The following OPRM1 variants were observed in gnomAD, a reference collection of about 807,000 sequenced individuals.
OPRM1 encodes opioid receptor mu 1.
A neutral mutation model predicts 31.8 loss-of-function variants in OPRM1; 27 were observed. That is an observed-to-expected ratio of 0.85 (90% CI 0.63 to 1.17). OPRM1 has a LOEUF of 1.17. Among genes scored for constraint, OPRM1 ranks in the 50% most tolerant of loss-of-function variants. The pLI is 0.00. For missense variants in OPRM1, 536 were observed against 511.1 expected (o/e 1.05, Z -0.47); for synonymous variants, 196 against 189.9 (o/e 1.03, Z -0.26).
chr6:154,090,741 CA>C (rs1482994215), intron 2 of OPRM1, among the ~76,000 whole-genome samples: 4 of 152,040 alleles, frequency 2.6e-5, no homozygotes, highest in Non-Finnish European at 5.9e-5. Flanking sequence ...AAGTGGACTG[CA>C]AAATGGGAAA....
At chr6:154,053,809 A>T (rs1467794860) in intron 1 of OPRM1, among the ~76,000 whole-genome samples, 1 of 152,228 alleles carries the variant, frequency 6.6e-6, no homozygotes, top group Non-Finnish European at 1.5e-5. Flanking sequence ...AGAAGAGTTA[A>T]GTTAAAGGAG....
chr6:154,152,390 AAG>A (rs1193986554), intron 3 of OPRM1, among the ~76,000 whole-genome samples: 9 of 126,264 alleles, frequency 7.1e-5, no homozygotes, highest in Middle Eastern at 4.3e-3. Context: ...GAAAGAAAGA[AAG>A]AGAAATAGTG....
In OPRM1 at chr6:154,020,663, A is replaced by G. The variant is rs115973472; in HGVS notation, c.-1+9645A>G. On this transcript the variant is annotated intron_variant, in intron 1 of 5. Coordinates refer to the OPRM1 transcript ENST00000434900. ...AACAGCTCTACCATCACGCATTCCC[A>G]CCAGCAATGAATGAGAGTTCTTACC... is the stretch of plus-strand genomic sequence containing the variant. Among the ~76,000 whole-genome samples the G allele has an allele frequency of 4.0e-3, 616 of 152,284 alleles. 4 individuals carry two copies. Among genetic ancestry groups the G allele is most frequent in the African/African-American group, 0.014 (586 of 41,558 alleles).
chr6:154,092,008 A>AT, intron 3 of OPRM1: 1 of 865,992 alleles, frequency 1.2e-6, no homozygotes, highest in African/African-American at 1.8e-5. Flanking sequence ...TTCTTAAGCT[A>AT]TTGGTTTGCT....
At chr6:154,102,880 C>A (rs1795041109) in intron 3 of OPRM1, among the ~76,000 whole-genome samples, 4 of 142,942 alleles carry the variant, frequency 2.8e-5, no homozygotes, top group East Asian at 2.0e-4. Flanking sequence ...CTGAAAATTT[C>A]TCTAAGGAAA....
rs193148531 is a variant in OPRM1 at position 154,081,091 on chromosome 6, A to G, written c.291-8735A>G. 1.6e-3 allele frequency among the ~76,000 whole-genome samples: 242 copies of G among 152,334 alleles called. 1 individual carries two copies. The highest frequency in any genetic ancestry group is 5.4e-3 in the African/African-American group (226 of 41,578). ...GAAGTATTGTCTCTGAGAAACCAAC[A>G]CGGCAAGCAAGCACAGATGTCCAAA... On this transcript the variant is annotated intron_variant, in intron 1 of 3. Coordinates refer to ENST00000330432, the MANE Select transcript of OPRM1 (RefSeq NM_000914.5).
intron 1 of OPRM1, among the ~76,000 whole-genome samples, chr6:154,016,623 C>A (rs1778019779): frequency 6.6e-6 from 1 of 152,146 alleles, no homozygotes; most frequent in South Asian, 2.1e-4. Context: ...CATATTGCAA[C>A]ACTGTAATTT....
chr6:154,180,241 C>G (rs1028999289), intron 3 of OPRM1, among the ~76,000 whole-genome samples: 1 of 151,920 alleles, frequency 6.6e-6, no homozygotes, highest in Non-Finnish European at 1.5e-5. Context: ...ATGTCAGTGA[C>G]CCTTCACTTT....
chr6:154,133,966 G>T (rs1379431528), downstream of OPRM1, among the ~76,000 whole-genome samples: 1 of 152,214 alleles, frequency 6.6e-6, no homozygotes. Context: ...TGGTTGACTG[G>T]GACATAGGGT....
intron 3 of OPRM1, among the ~76,000 whole-genome samples, chr6:154,230,419 A>T (rs1032399628): frequency 1.3e-5 from 2 of 152,264 alleles, no homozygotes; most frequent in Admixed American, 1.3e-4. Context: ...TAACTAAAAC[A>T]GGACATCAGA....
Position 154,118,858 on chromosome 6 carries a change from C to T in OPRM1, c.*137C>T. 2 of 1,501,480 alleles carry T rather than the reference C, an allele frequency of 1.3e-6. No homozygotes were observed. Among genetic ancestry groups the T allele is most frequent in the African/African-American group, 1.4e-5 (1 of 71,812 alleles). The allele number at this position is 1,501,480 out of a possible 1,614,324, so 93.0% of individuals were successfully genotyped here. ...TTTTAGGTCATCCAACCTCTTTCCT[C>T]TCTGGCCACTCTGCTCTGCACATTA... is the stretch of plus-strand genomic sequence containing the variant. On this transcript the variant is annotated 3_prime_UTR_variant, in exon 4 of 4. Coordinates refer to ENST00000330432, the MANE Select transcript of OPRM1 (RefSeq NM_000914.5).
intron 3 of OPRM1, among the ~76,000 whole-genome samples, chr6:154,100,106 T>TATC (rs1554275400): frequency 0.035 from 768 of 22,160 alleles, 14 homozygotes; most frequent in East Asian, 0.14. Flanking sequence ...TTATGATATA[T>TATC]ATATTATATA....
At chr6:154,134,881 A>G (rs1259640112), downstream of OPRM1, among the ~76,000 whole-genome samples, 1 of 152,172 alleles carries the variant, frequency 6.6e-6, no homozygotes, top group Non-Finnish European at 1.5e-5. Flanking sequence ...ATAGTAGTTA[A>G]CCCAGTTGTC....
chr6:154,144,486 C>A (rs1032424001), intron 3 of OPRM1, among the ~76,000 whole-genome samples: 2 of 152,154 alleles, frequency 1.3e-5, no homozygotes, highest in African/African-American at 4.8e-5. Context: ...GTGGCTCAAG[C>A]CTGTAATCCC....
chr6:154,033,599 T>C (rs1448312119), intron 1 of OPRM1, among the ~76,000 whole-genome samples: 1 of 152,224 alleles, frequency 6.6e-6, no homozygotes, highest in Non-Finnish European at 1.5e-5. Flanking sequence ...AGAATGCAGG[T>C]TAATACACTT....
downstream of OPRM1, among the ~76,000 whole-genome samples, chr6:154,134,791 A>AT (rs372864441): frequency 2.9e-4 from 43 of 149,294 alleles, no homozygotes; most frequent in South Asian, 1.7e-3. Context: ...TTTAACATGC[A>AT]TTTTTTTTTT....
intron 3 of OPRM1, among the ~76,000 whole-genome samples, chr6:154,202,110 T>C (rs1191608101): frequency 6.6e-6 from 1 of 152,234 alleles, no homozygotes; most frequent in African/African-American, 2.4e-5. Context: ...TTACCTAATG[T>C]GTACCCAATC....
At chr6:154,209,050 G>A (rs915698762) in intron 3 of OPRM1, among the ~76,000 whole-genome samples, 1 of 152,124 alleles carries the variant, frequency 6.6e-6, no homozygotes. Flanking sequence ...TTATTATCTC[G>A]TGAAATGTCA....
At position 154,192,515 on chromosome 6, in the gene OPRM1, CT is replaced by C. The variant is rs1186098220; in HGVS notation, c.1165-54176del. On this transcript the variant is annotated intron_variant, in intron 3 of 3. Coordinates refer to the OPRM1 transcript ENST00000337049. ...AGAAATGGAAAACCAAACATTTGAA[CT>C]TAATTAAACCAAAAAGCTTCTGCAC... Among the ~76,000 whole-genome samples, 22 of 151,990 alleles carry C rather than the reference CT, an allele frequency of 1.4e-4. 1 individual carries two copies.
Sources: allele counts gnomAD v4.1 joint callset (sites outside exome capture counted in the v4.1 genomes callset), GRCh38; gene constraint gnomAD v4.1.1; transcripts MANE v1.5; gene names NCBI Gene and HGNC (gene_info 2026-07-23, HGNC 2026-07-21).